OSTF1: variants seen among roughly 807,000 people sequenced by gnomAD.
OSTF1 encodes osteoclast-stimulating factor 1.
In OSTF1, 27 loss-of-function variants were observed where a neutral mutation model predicts 37.2. The observed-to-expected ratio is 0.73, with a 90% CI of 0.54 to 1.00. The LOEUF (loss-of-function observed/expected upper bound fraction) is 1.00, where lower values mean the gene tolerates loss of function less well. Among genes scored for constraint, OSTF1 ranks in the 50% least tolerant of loss-of-function variants. The pLI, the probability that OSTF1 is intolerant of heterozygous loss-of-function variation, is 0.00. For synonymous variants in OSTF1, 82 were observed against 89.2 expected (o/e 0.92, Z 0.46); for missense variants, 232 against 253.8 (o/e 0.91, Z 0.58).
At chr9:75,111,903 C>T (rs1490610211) in intron 1 of OSTF1, among the ~76,000 whole-genome samples, 1 of 143,914 alleles carries the variant, frequency 6.9e-6, no homozygotes, top group Non-Finnish European at 1.5e-5. Context: ...GGCTCACTAC[C>T]ACCTCCGCCT....
intron 1 of OSTF1, among the ~76,000 whole-genome samples, chr9:75,115,477 A>T (rs1252943819): frequency 6.6e-6 from 1 of 152,022 alleles, no homozygotes; most frequent in Non-Finnish European, 1.5e-5. Context: ...TTTAATAGAG[A>T]TGGGGTTTCA....
intron 4 of OSTF1, 67 bp downstream of exon 4, chr9:75,130,708 T>A: frequency 1.0e-6 from 1 of 961,092 alleles, no homozygotes; most frequent in Non-Finnish European, 1.7e-6. Flanking sequence ...TTGATGCTTT[T>A]CTGCTTGCTA....
intron 8 of OSTF1, among the ~76,000 whole-genome samples, chr9:75,140,571 C>T (rs750437750): frequency 6.6e-6 from 1 of 152,176 alleles, no homozygotes; most frequent in Non-Finnish European, 1.5e-5. Context: ...CCATAAACTC[C>T]TCACTGAAAA....
chr9:75,131,198 A>G (rs1043721308), intron 4 of OSTF1, among the ~76,000 whole-genome samples: 3 of 152,208 alleles, frequency 2.0e-5, no homozygotes, highest in African/African-American at 7.2e-5. Context: ...CTGAGTTTTA[A>G]TCCTCTTTCT....
chr9:75,133,146 T>A (rs538797785), intron 5 of OSTF1, 148 bp from the exon 6 acceptor site: 2 of 567,840 alleles, frequency 3.5e-6, no homozygotes, highest in Admixed American at 6.5e-5. Flanking sequence ...TGTACCATAA[T>A]AAATGCATTA....
intron 1 of OSTF1, among the ~76,000 whole-genome samples, chr9:75,099,046 C>T (rs927862715): frequency 1.3e-5 from 2 of 152,136 alleles, no homozygotes; most frequent in Non-Finnish European, 2.9e-5. Flanking sequence ...AAGTGATTCT[C>T]CTGCCTCAGC....
intron 7 of OSTF1, among the ~76,000 whole-genome samples, chr9:75,136,732 G>C (rs1424289971): frequency 6.6e-6 from 1 of 152,168 alleles, no homozygotes; most frequent in Non-Finnish European, 1.5e-5. Flanking sequence ...AGCTGTGTGT[G>C]CTTGGTGAGG....
At chr9:75,113,641 GT>G (rs1329244057) in intron 1 of OSTF1, among the ~76,000 whole-genome samples, 1 of 151,866 alleles carries the variant, frequency 6.6e-6, no homozygotes, top group African/African-American at 2.4e-5. Flanking sequence ...TAGAGATGGG[GT>G]TTTGCTATGT....
intron 1 of OSTF1, among the ~76,000 whole-genome samples, chr9:75,098,980 AAGCTGG>A (rs1371076963): frequency 6.6e-6 from 1 of 152,138 alleles, no homozygotes. Context: ...CTTGTTGCCC[AAGCTGG>A]AGTGCAATGG....
At chr9:75,114,055 A>G (rs1825438747) in intron 1 of OSTF1, among the ~76,000 whole-genome samples, 3 of 152,164 alleles carry the variant, frequency 2.0e-5, no homozygotes, top group African/African-American at 7.2e-5. Context: ...TTGTCTCTCC[A>G]TGCCTGGCTA....
At chr9:75,144,612 C>T (rs1209571788) in intron 9 of OSTF1, among the ~76,000 whole-genome samples, 2 of 152,144 alleles carry the variant, frequency 1.3e-5, no homozygotes, top group African/African-American at 2.4e-5. Flanking sequence ...AAATCGGCTT[C>T]CACCTCCCTT....
chr9:75,116,266 A>G (rs1407757206), intron 1 of OSTF1, among the ~76,000 whole-genome samples: 1 of 152,176 alleles, frequency 6.6e-6, no homozygotes, highest in Non-Finnish European at 1.5e-5. Context: ...GCCATTTTAT[A>G]TAAAGGTCTT....
At chr9:75,125,570 CTG>C (rs1412738425) in intron 2 of OSTF1, among the ~76,000 whole-genome samples, 1 of 152,138 alleles carries the variant, frequency 6.6e-6, no homozygotes, top group African/African-American at 2.4e-5. Flanking sequence ...TAAGACTAGT[CTG>C]TGCAAATCAA....
chr9:75,096,016 T>C (rs570768761), intron 1 of OSTF1, among the ~76,000 whole-genome samples: 51 of 152,126 alleles, frequency 3.4e-4, no homozygotes, highest in Non-Finnish European at 5.6e-4. Context: ...CTCAGCCTCC[T>C]GAGTGGCTGG....
intron 1 of OSTF1, among the ~76,000 whole-genome samples, chr9:75,100,398 C>T (rs549371152): frequency 6.6e-5 from 10 of 152,122 alleles, no homozygotes; most frequent in Non-Finnish European, 1.3e-4. Context: ...AAATGATCTT[C>T]TGGGCATCCA....
intron 1 of OSTF1, among the ~76,000 whole-genome samples, chr9:75,098,315 AAAC>A (rs1825124786): frequency 1.3e-5 from 2 of 152,320 alleles, no homozygotes; most frequent in Non-Finnish European, 2.9e-5. Flanking sequence ...TTTCCATGAG[AAAC>A]AACAAAGAGA....
In OSTF1 at chr9:75,088,567, G is replaced by C. The variant is rs1824850652; in HGVS notation, c.-126G>C. The C allele has an allele frequency of 3.0e-6, 3 of 1,011,734 alleles. No individual in the cohort carries two copies. The highest frequency in any genetic ancestry group is 4.5e-6 in the Non-Finnish European group (3 of 665,592). The allele number at this position is 1,011,734 out of a possible 1,614,324, so 62.7% of individuals were successfully genotyped here. ...GCTCTTCCCGCAGCCAAGGGTGGGC[G>C]CCGGTCCTAGGAGGCGCACGGTTGT... is the stretch of plus-strand genomic sequence containing the variant. On this transcript the variant is annotated 5_prime_UTR_variant, in exon 1 of 10. Transcript: ENST00000346234.
At chr9:75,118,149 G>GCTAAGTA (rs1260486424) in intron 2 of OSTF1, among the ~76,000 whole-genome samples, 1 of 152,190 alleles carries the variant, frequency 6.6e-6, no homozygotes, top group East Asian at 1.9e-4. Flanking sequence ...ACTGTCAGGG[G>GCTAAGTA]CTAAGTACTC....
intron 2 of OSTF1, among the ~76,000 whole-genome samples, chr9:75,123,594 T>C (rs903360853): frequency 6.6e-6 from 1 of 152,238 alleles, no homozygotes; most frequent in South Asian, 2.1e-4. Flanking sequence ...GGTTTCTTAA[T>C]GGAAAATGTG....
Sources: gnomAD v4.1 joint callset for allele counts (sites outside exome capture counted in the v4.1 genomes callset) on GRCh38, gnomAD v4.1.1 for gene constraint, MANE v1.5 for transcripts, NCBI Gene and HGNC (gene_info 2026-07-23, HGNC 2026-07-21) for gene names.